WWOX: variants seen among roughly 807,000 people sequenced by gnomAD.
The protein encoded by WWOX is WW domain-containing oxidoreductase.
WWOX carries 69 observed loss-of-function variants against 46.2 expected under a neutral mutation model. The ratio of observed to expected loss-of-function variants is 1.49; its 90% CI spans 1.23 to 1.82. WWOX has a LOEUF of 1.82. WWOX is among the 40% of genes most tolerant of loss of function. The probability of loss-of-function intolerance (pLI) is 0.00; values close to 1 mark genes in which losing one functional copy is unlikely to be tolerated. For synonymous variants in WWOX, 359 were observed against 202.6 expected (o/e 1.77, Z -6.56); for missense variants, 919 against 542.6 (o/e 1.69, Z -6.89).
intron 8 of WWOX, among the ~76,000 whole-genome samples, chr16:78,545,690 C>G (rs1015948886): frequency 6.6e-6 from 1 of 152,132 alleles, no homozygotes. Context: ...AAAATACCAC[C>G]CACTGGGGAT....
At chr16:79,093,027 T>A (rs1312539530) in intron 8 of WWOX, among the ~76,000 whole-genome samples, 1 of 152,208 alleles carries the variant, frequency 6.6e-6, no homozygotes, top group Non-Finnish European at 1.5e-5. Flanking sequence ...CGCAATTACT[T>A]TTGCACCACT....
At chr16:78,432,431 A>C in intron 7 of WWOX, 57 bp from the exon 8 acceptor site, 2 of 1,602,310 alleles carry the variant, frequency 1.2e-6, no homozygotes, top group Admixed American at 3.3e-5. Flanking sequence ...ATAAAAATAA[A>C]AAGCTGTGTG....
chr16:78,950,438 G>C (rs1567670049), intron 8 of WWOX, among the ~76,000 whole-genome samples: 1 of 151,818 alleles, frequency 6.6e-6, no homozygotes, highest in Admixed American at 6.6e-5. Flanking sequence ...TGATGAAAAA[G>C]ATGTTGGGTT....
intron 8 of WWOX, among the ~76,000 whole-genome samples, chr16:78,620,249 G>A (rs2046143679): frequency 6.6e-6 from 1 of 152,210 alleles, no homozygotes; most frequent in South Asian, 2.1e-4. Flanking sequence ...TGTGCTGTTA[G>A]GAGGGCTGTT....
At chr16:78,194,605 A>T (rs1052230272) in intron 5 of WWOX, among the ~76,000 whole-genome samples, 2 of 149,990 alleles carry the variant, frequency 1.3e-5, no homozygotes, top group African/African-American at 5.0e-5. Flanking sequence ...AAAAAAAAAA[A>T]GATTTATGTC....
chr16:78,578,269 TATATATATATATA>T (rs1325137067), intron 8 of WWOX, among the ~76,000 whole-genome samples: 2 of 30,062 alleles, frequency 6.7e-5, no homozygotes, highest in East Asian at 7.1e-4. Flanking sequence ...TATATATATA[TATATATATATATA>T]TATTTTTTTT....
intron 8 of WWOX, among the ~76,000 whole-genome samples, chr16:79,044,392 A>C (rs1010204807): frequency 1.2e-4 from 19 of 152,278 alleles, no homozygotes; most frequent in Non-Finnish European, 4.4e-5. Context: ...TGGATTTCTC[A>C]TGAATGGTTT....
intron 8 of WWOX, among the ~76,000 whole-genome samples, chr16:78,774,977 G>C (rs1289015824): frequency 1.3e-5 from 2 of 152,148 alleles, no homozygotes; most frequent in African/African-American, 4.8e-5. Context: ...TGCTCGAAGA[G>C]GGGCTGCAGG....
intron 8 of WWOX, among the ~76,000 whole-genome samples, chr16:78,834,471 G>T (rs2051920093): frequency 6.6e-6 from 1 of 152,144 alleles, no homozygotes. Context: ...AGGTGTATAG[G>T]TTGCCATCCA....
intron 8 of WWOX, among the ~76,000 whole-genome samples, chr16:78,466,735 C>A (rs796435111): frequency 7.2e-5 from 11 of 152,180 alleles, no homozygotes; most frequent in African/African-American, 2.6e-4. Context: ...GTAATCCCAG[C>A]TACTTAGGAG....
At chr16:79,054,690 T>C (rs28669118) in intron 8 of WWOX, among the ~76,000 whole-genome samples, 14,626 of 151,942 alleles carry the variant, frequency 0.096, 1,636 homozygotes, top group African/African-American at 0.27. Flanking sequence ...CCAGGCGTGG[T>C]GTCGTGTGTC....
chr16:78,284,548 T>C (rs553596670), intron 5 of WWOX, among the ~76,000 whole-genome samples: 7 of 152,330 alleles, frequency 4.6e-5, no homozygotes, highest in African/African-American at 1.7e-4. Flanking sequence ...TTTTATAAAG[T>C]ATCATTACTC....
At chr16:78,979,805 G>A (rs2046645711) in intron 8 of WWOX, among the ~76,000 whole-genome samples, 1 of 152,158 alleles carries the variant, frequency 6.6e-6, no homozygotes, top group African/African-American at 2.4e-5. Flanking sequence ...TCCAAAGGGT[G>A]TGATTGGTAA....
chr16:78,485,789 A>G (rs899595621), intron 8 of WWOX, among the ~76,000 whole-genome samples: 1 of 152,172 alleles, frequency 6.6e-6, no homozygotes, highest in African/African-American at 2.4e-5. Context: ...ATGGGGCTTC[A>G]TACATTATTG....
chr16:78,988,365 A>G (rs2046821383), intron 8 of WWOX, among the ~76,000 whole-genome samples: 1 of 151,962 alleles, frequency 6.6e-6, no homozygotes, highest in South Asian at 2.1e-4. Context: ...AAAAAAAAAA[A>G]AAAAGAAAGA....
chr16:78,188,179 A>G (rs558652702), intron 5 of WWOX, among the ~76,000 whole-genome samples: 1 of 152,206 alleles, frequency 6.6e-6, no homozygotes, highest in African/African-American at 2.4e-5. Context: ...AAGAGTTTAC[A>G]TCTGAACATA....
At chr16:79,115,634 G>T (rs1267725772) in intron 8 of WWOX, among the ~76,000 whole-genome samples, 2 of 152,188 alleles carry the variant, frequency 1.3e-5, no homozygotes, top group Non-Finnish European at 2.9e-5. Flanking sequence ...GAGAGTATAT[G>T]CATGGAGAAT....
intron 8 of WWOX, among the ~76,000 whole-genome samples, chr16:78,824,771 C>T (rs1213627709): frequency 6.6e-6 from 1 of 152,070 alleles, no homozygotes; most frequent in Non-Finnish European, 1.5e-5. Flanking sequence ...CGCCCTGGGT[C>T]CCTCCCACAA....
At chr16:79,210,188 G>C (rs538614641) in intron 8 of WWOX, among the ~76,000 whole-genome samples, 21 of 152,098 alleles carry the variant, frequency 1.4e-4, no homozygotes, top group Non-Finnish European at 3.1e-4. Context: ...TCAGTTTTCA[G>C]ACCAACTCCA....
Sources: gnomAD v4.1 joint callset for allele counts (sites outside exome capture counted in the v4.1 genomes callset) on GRCh38, gnomAD v4.1.1 for gene constraint, MANE v1.5 for transcripts, NCBI Gene and HGNC (gene_info 2026-07-23, HGNC 2026-07-21) for gene names.